The following TLE4 variants were observed in gnomAD, a reference collection of about 807,000 sequenced individuals.
TLE4 encodes the protein transducin-like enhancer protein 4.
Under a neutral mutation model 92.8 loss-of-function variants are expected in TLE4, and 8 were observed. That is an observed-to-expected ratio of 0.09 (90% CI 0.05 to 0.16). TLE4 has a LOEUF of 0.16. Ranked by LOEUF, TLE4 falls within the 10% of genes least tolerant of loss-of-function variation. The pLI is 1.00. For synonymous variants in TLE4, 371 were observed against 374.1 expected (o/e 0.99, Z 0.10); for missense variants, 675 against 997.6 (o/e 0.68, Z 4.36).
chr9:79,721,470 G>A (rs1008831141), intron 16 of TLE4, among the ~76,000 whole-genome samples: 2 of 151,976 alleles, frequency 1.3e-5, no homozygotes, highest in African/African-American at 4.8e-5. Flanking sequence ...TAATTTCAGA[G>A]ATTTTTTTCC....
intron 9 of TLE4, among the ~76,000 whole-genome samples, chr9:79,705,106 T>C (rs2071147281): frequency 6.6e-6 from 1 of 152,248 alleles, no homozygotes; most frequent in Admixed American, 6.5e-5. Context: ...GATAGAATGC[T>C]TCATTGGGCA....
At chr9:79,596,379 T>C (rs1417182495) in intron 4 of TLE4, among the ~76,000 whole-genome samples, 1 of 152,144 alleles carries the variant, frequency 6.6e-6, no homozygotes, top group East Asian at 1.9e-4. Context: ...CCTTCACCAG[T>C]AGCAAAACAT....
intron 8 of TLE4, among the ~76,000 whole-genome samples, chr9:79,682,010 CTGTTAT>C (rs2064800763): frequency 6.6e-6 from 1 of 151,746 alleles, no homozygotes; most frequent in African/African-American, 2.4e-5. Flanking sequence ...CTCATGTAAC[CTGTTAT>C]TGTTAAGATG....
chr9:79,686,693 T>A lies in TLE4; in HGVS notation c.610-18090T>A, dbSNP rs574183729. Among the ~76,000 whole-genome samples, 5 of 152,312 alleles carry A rather than the reference T, an allele frequency of 3.3e-5. 1 individual carries two copies. In the South Asian group the frequency reaches 1.0e-3, roughly 32 times the overall value. On this transcript the variant is annotated intron_variant, in intron 8 of 19. Transcript: ENST00000376552. ...GCTGGAAGAGGCAAAGAAGCATTCT[T>A]CCCTGGAGCCTTTGGAGGGAGCATG... is the stretch of plus-strand genomic sequence containing the variant.
At chr9:79,638,904 C>G (rs993259700) in intron 6 of TLE4, among the ~76,000 whole-genome samples, 2 of 152,102 alleles carry the variant, frequency 1.3e-5, no homozygotes, top group Non-Finnish European at 2.9e-5. Context: ...TGTTGGTTCT[C>G]CCTTGCAGGC....
At chr9:79,608,561 TA>T (rs2047623802) in intron 4 of TLE4, among the ~76,000 whole-genome samples, 1 of 152,020 alleles carries the variant, frequency 6.6e-6, no homozygotes, top group Non-Finnish European at 1.5e-5. Flanking sequence ...ATAAAATAAA[TA>T]GATTCATCTT....
intron 4 of TLE4, among the ~76,000 whole-genome samples, chr9:79,586,143 T>C (rs964169192): frequency 7.1e-6 from 1 of 140,152 alleles, no homozygotes; most frequent in Non-Finnish European, 1.6e-5. Context: ...GAGGCTGAGG[T>C]GGGTGGATCA....
chr9:79,606,373 GTTT>G (rs60527671), intron 4 of TLE4, among the ~76,000 whole-genome samples: 8 of 113,686 alleles, frequency 7.0e-5, no homozygotes, highest in East Asian at 2.7e-4. Context: ...GTGTGTGTGT[GTTT>G]TTTTTTTTTT....
chr9:79,641,829 A>G (rs2057204219), intron 6 of TLE4, among the ~76,000 whole-genome samples: 1 of 152,108 alleles, frequency 6.6e-6, no homozygotes, highest in African/African-American at 2.4e-5. Context: ...ACCATCTCCC[A>G]CTGACTCTCT....
At position 79,606,187 on chromosome 9, in the gene TLE4, G is replaced by GTTTTTTTTTTT. The variant is rs71364420; in HGVS notation, c.253-6441_253-6431dup. On this transcript the variant is annotated intron_variant, in intron 4 of 19. Coordinates refer to ENST00000376552, the MANE Select transcript of TLE4 (RefSeq NM_007005.6). ...ATTGCTTTATTAAGCAGTAGTAGTTGTTTTTTTTTTTTTTTTTTTTTTTTT... is the reference window on the plus strand; with the variant it reads ...ATTGCTTTATTAAGCAGTAGTAGTTGTTTTTTTTTTTTTTTTTTTTTTTTTTTTTTTTTTTT... Among the ~76,000 whole-genome samples the GTTTTTTTTTTT allele has an allele frequency of 7.0e-3, 200 of 28,712 alleles. 75 individuals carry two copies. The highest frequency in any genetic ancestry group is 9.4e-3 in the Non-Finnish European group (145 of 15,502). The allele number at this position is 28,712 out of a possible 152,430, so 18.8% of individuals were successfully genotyped here.
chr9:79,572,745 A>G lies in TLE4; in HGVS notation c.-46A>G, dbSNP rs746267745. 1.7e-5 allele frequency: 27 copies of G among 1,587,030 alleles called. No individual in the cohort carries two copies. Among genetic ancestry groups the G allele is most frequent in the South Asian group, 6.8e-5 (6 of 88,512 alleles). ...CTCCTCTTCGGGGTCATTAAAGCCA[A>G]TGAGCCGCGCGCCTCTGCCGAGCGC... is the stretch of plus-strand genomic sequence containing the variant. On this transcript the variant is annotated 5_prime_UTR_variant, in exon 1 of 20. It removes an upstream start codon present in the reference 5' UTR. Coordinates refer to ENST00000376552, the MANE Select transcript of TLE4 (RefSeq NM_007005.6).
intron 2 of TLE4, 177 bp downstream of exon 2, chr9:79,573,963 A>C: frequency 2.5e-6 from 1 of 406,686 alleles, no homozygotes; most frequent in Non-Finnish European, 4.4e-6. Context: ...GGTGTAAATA[A>C]ATTAAACATT....
At chr9:79,583,229 GAGAGCTGC>G (rs1564133015) in intron 4 of TLE4, among the ~76,000 whole-genome samples, 3 of 152,142 alleles carry the variant, frequency 2.0e-5, no homozygotes, top group African/African-American at 4.8e-5. Context: ...CTTATCCCTG[GAGAGCTGC>G]ACGTGTAACC....
chr9:79,713,809 C>T (rs1300331069), intron 14 of TLE4, among the ~76,000 whole-genome samples: 1 of 151,712 alleles, frequency 6.6e-6, no homozygotes, highest in Admixed American at 6.6e-5. Flanking sequence ...GGTTCAGGAC[C>T]CCCAGTACCT....
intron 4 of TLE4, among the ~76,000 whole-genome samples, chr9:79,593,344 C>G (rs1270376221): frequency 6.6e-6 from 1 of 152,100 alleles, no homozygotes. Flanking sequence ...ACCCACACCT[C>G]CTACCACACA....
chr9:79,647,864 T>C (rs2058333609), intron 6 of TLE4, among the ~76,000 whole-genome samples: 2 of 151,264 alleles, frequency 1.3e-5, no homozygotes, highest in Non-Finnish European at 3.0e-5. Context: ...GAGACAGTGG[T>C]GGAGATTACT....
intron 6 of TLE4, among the ~76,000 whole-genome samples, chr9:79,650,380 A>T (rs2058761296): frequency 6.6e-6 from 1 of 152,212 alleles, no homozygotes. Flanking sequence ...GATCTTAATA[A>T]ATGCCTGCTC....
At chr9:79,621,266 C>T (rs559745724) in intron 5 of TLE4, among the ~76,000 whole-genome samples, 91 of 152,252 alleles carry the variant, frequency 6.0e-4, no homozygotes, top group African/African-American at 2.2e-3. Flanking sequence ...TCTGCTTGGC[C>T]ATACCTGGAG....
Position 79,722,448 on chromosome 9 carries a change from T to C in TLE4, c.1987-3T>C, listed in dbSNP as rs1174896883. 1 of 1,614,092 alleles carries C rather than the reference T, an allele frequency of 6.2e-7. No homozygotes were observed. On this transcript the variant is annotated splice_polypyrimidine_tract_variant and splice_region_variant and intron_variant, in intron 17 of 19. Transcript: ENST00000376552. ...CTGTCACCATCACCTGTTTTAATTC[T>C]AGATCTTTTCTCTGGGCTACTGCCC...
Sources: gnomAD v4.1 joint callset for allele counts (sites outside exome capture counted in the v4.1 genomes callset) on GRCh38, gnomAD v4.1.1 for gene constraint, MANE v1.5 for transcripts, NCBI Gene and HGNC (gene_info 2026-07-23, HGNC 2026-07-21) for gene names.